The following LRRC75A variants were observed in gnomAD, a reference collection of about 807,000 sequenced individuals.
The protein encoded by LRRC75A is leucine rich repeat containing 75A.
LRRC75A carries 12 observed loss-of-function variants against 26.0 expected under a neutral mutation model. The ratio of observed to expected loss-of-function variants is 0.46; its 90% confidence interval spans 0.30 to 0.75. The LOEUF is 0.75. Among genes scored for constraint, LRRC75A ranks in the 30% least tolerant of loss-of-function variants. The pLI is 0.08. For synonymous variants in LRRC75A, 223 were observed against 219.3 expected (o/e 1.02, Z -0.15); for missense variants, 410 against 486.6 (o/e 0.84, Z 1.48).
intron 3 of LRRC75A, among the ~76,000 whole-genome samples, chr17:16,446,544 G>A (rs535438229): frequency 5.3e-5 from 8 of 152,306 alleles, no homozygotes; most frequent in Non-Finnish European, 1.2e-4. Flanking sequence ...TGGCTGGGGC[G>A]GGAGAGCAGG....
intron 2 of LRRC75A, among the ~76,000 whole-genome samples, chr17:16,458,012 C>A (rs572465926): frequency 5.9e-5 from 9 of 151,746 alleles, no homozygotes; most frequent in Admixed American, 2.6e-4. Context: ...ACAACAACAA[C>A]AAAAAAGCAA....
chr17:16,472,056 G>A (rs971719646), intron 1 of LRRC75A, among the ~76,000 whole-genome samples: 23 of 152,042 alleles, frequency 1.5e-4, no homozygotes, highest in African/African-American at 4.8e-4. Context: ...TGGTTAAAAC[G>A]GTATTTTATA....
At chr17:16,464,567 C>T (rs1296075925) in intron 1 of LRRC75A, among the ~76,000 whole-genome samples, 1 of 152,230 alleles carries the variant, frequency 6.6e-6, no homozygotes, top group Non-Finnish European at 1.5e-5. Flanking sequence ...CTTTCTACTA[C>T]ATTTCTGCCC....
At chr17:16,469,133 T>C (rs1488009287) in intron 1 of LRRC75A, among the ~76,000 whole-genome samples, 1 of 152,254 alleles carries the variant, frequency 6.6e-6, no homozygotes, top group East Asian at 1.9e-4. Flanking sequence ...TTATCTTTTT[T>C]GGTATTCTGT....
chr17:16,456,098 G>GCA (rs1568960237), intron 2 of LRRC75A, among the ~76,000 whole-genome samples: 72 of 146,200 alleles, frequency 4.9e-4, no homozygotes, highest in African/African-American at 1.9e-3. Context: ...GGAGGAGGAA[G>GCA]GGGAGGGGGA....
Position 16,491,821 on chromosome 17 carries a change from A to T in LRRC75A, c.170T>A (p.Met57Lys). ...GMPPYHRRVG[M>K]VQELLRMVRQ... ...CACCATCCGCAGCAGCTCCTGGACC[A>T]TGCCGACTCGCCGGTGGTAGGGGGG... Residue 57 changes from methionine to lysine, a missense_variant, in exon 1 of 4, where the codon ATG becomes AAG. Physicochemically the swap from Met to Lys is moderately conservative, Grantham distance 95 (BLOSUM62 -1). Transcript: ENST00000470794. The surrounding 1 kb of genome is among the most constrained non-coding windows in gnomAD (Gnocchi z 5.9). The T allele has an allele frequency of 7.1e-7, 1 of 1,410,598 alleles. No homozygotes were observed. Among genetic ancestry groups the T allele is most frequent in the Admixed American group, 2.5e-5 (1 of 39,400 alleles). 87.4% of individuals were successfully genotyped at this position (1,410,598 alleles called of 1,614,324 possible). A position where few individuals can be genotyped will look rare whatever the true frequency, so the allele number is the denominator to read the frequency against.
chr17:16,489,218 C>T (rs2093852579), intron 1 of LRRC75A, among the ~76,000 whole-genome samples: 1 of 152,188 alleles, frequency 6.6e-6, no homozygotes, highest in Admixed American at 6.5e-5. Flanking sequence ...ATACACAAAT[C>T]CAGCAGCCAA....
chr17:16,455,166 C>T (rs2093666886), intron 2 of LRRC75A, among the ~76,000 whole-genome samples: 1 of 152,162 alleles, frequency 6.6e-6, no homozygotes, highest in African/African-American at 2.4e-5. Context: ...CTCCTGACCT[C>T]AGACGATCCG....
intron 1 of LRRC75A, among the ~76,000 whole-genome samples, chr17:16,486,932 C>T (rs145229214): frequency 2.6e-5 from 4 of 152,332 alleles, no homozygotes; most frequent in Non-Finnish European, 5.9e-5. Context: ...CACACGCGTA[C>T]GCACATCTTC....
intron 1 of LRRC75A, chr17:16,470,396 G>A (rs761590000): frequency 2.6e-5 from 4 of 152,136 alleles, no homozygotes; most frequent in Admixed American, 1.3e-4. Flanking sequence ...CTTCAATATC[G>A]AAACCACCGG....
intron 1 of LRRC75A, among the ~76,000 whole-genome samples, chr17:16,490,929 C>T (rs147412555): frequency 4.8e-3 from 736 of 152,350 alleles, no homozygotes; most frequent in Non-Finnish European, 6.8e-3. Flanking sequence ...TGCTCCTCTC[C>T]CCACCAAAGA....
chr17:16,462,421 G>C lies in LRRC75A; in HGVS notation c.247-35C>G. 1.9e-6 allele frequency: 3 copies of C among 1,612,152 alleles called. No homozygotes were observed. The highest frequency in any genetic ancestry group is 2.2e-5 in the East Asian group (1 of 44,874). On this transcript the variant is annotated intron_variant, in intron 1 of 3. Transcript: ENST00000470794. This position sits in a 1 kb window ranked among gnomAD's most constrained non-coding sequence, Gnocchi z 4.6. Reference sequence around the variant, plus strand: ...CAAAGGATGCCCAGAGGTCAGGGCTGGCTGCCCACCCAGCTCGCCCACCAT... The same window carrying C: ...CAAAGGATGCCCAGAGGTCAGGGCTCGCTGCCCACCCAGCTCGCCCACCAT...
intron 1 of LRRC75A, among the ~76,000 whole-genome samples, chr17:16,476,458 C>T (rs1339117510): frequency 3.9e-5 from 6 of 152,058 alleles, no homozygotes; most frequent in Non-Finnish European, 5.9e-5. Context: ...GCAATCCTCC[C>T]GCTGTGGCCT....
chr17:16,442,615 G>T lies in LRRC75A; in HGVS notation c.*973C>A, dbSNP rs1314223324. 1 of 152,234 alleles carries T rather than the reference G, an allele frequency of 6.6e-6. No homozygotes were observed. Among genetic ancestry groups the T allele is most frequent in the African/African-American group, 2.4e-5 (1 of 41,434 alleles). 9.4% of individuals were successfully genotyped at this position (152,234 alleles called of 1,614,324 possible). On this transcript the variant is annotated 3_prime_UTR_variant, in exon 4 of 4. Coordinates refer to ENST00000470794, the MANE Select transcript of LRRC75A (RefSeq NM_001113567.3). ...AGCCATCTTGTTGGATCTGCCAAGG[G>T]ATTGGACTCCTTCATTGTCCTAGGT...
At chr17:16,472,666 C>A (rs1040475135) in intron 1 of LRRC75A, among the ~76,000 whole-genome samples, 1 of 152,112 alleles carries the variant, frequency 6.6e-6, no homozygotes, top group African/African-American at 2.4e-5. Context: ...GAGAATTAGG[C>A]GTATCAGAGT....
intron 2 of LRRC75A, chr17:16,448,369 A>C: frequency 4.2e-6 from 1 of 235,794 alleles, no homozygotes; most frequent in South Asian, 4.7e-5. Flanking sequence ...TTGTTCTAGG[A>C]AGCTAGGATA....
At chr17:16,490,818 C>T (rs1470419932) in intron 1 of LRRC75A, among the ~76,000 whole-genome samples, 1 of 152,218 alleles carries the variant, frequency 6.6e-6, no homozygotes, top group African/African-American at 2.4e-5. Flanking sequence ...GGATTGTCTA[C>T]CCACCAAAGC....
chr17:16,453,618 CAT>C (rs1231709556), intron 2 of LRRC75A, among the ~76,000 whole-genome samples: 1 of 152,094 alleles, frequency 6.6e-6, no homozygotes, highest in Non-Finnish European at 1.5e-5. Context: ...CAACAGCTAA[CAT>C]GTATTGAGCA....
chr17:16,462,805 G>GA lies in LRRC75A; in HGVS notation c.247-420dup, dbSNP rs1163387858. On this transcript the variant is annotated intron_variant, in intron 1 of 3. Coordinates refer to ENST00000470794, the MANE Select transcript of LRRC75A (RefSeq NM_001113567.3). This position sits in a 1 kb window ranked among gnomAD's most constrained non-coding sequence, Gnocchi z 4.6. ...TTATTTGTGTTTTCTTCCTGCTTCT[G>GA]ACGTTGTTTTTACTGCTCCTTCTGT... is the stretch of plus-strand genomic sequence containing the variant. 2.7e-5 allele frequency: 5 copies of GA among 184,060 alleles called. No individual in the cohort carries two copies. 11.4% of individuals were successfully genotyped at this position (184,060 alleles called of 1,614,324 possible).
Sources: allele counts gnomAD v4.1 joint callset (sites outside exome capture counted in the v4.1 genomes callset), GRCh38; gene constraint gnomAD v4.1.1; non-coding constraint Gnocchi (gnomAD v3.1); transcripts MANE v1.5; gene names NCBI Gene and HGNC (gene_info 2026-07-23, HGNC 2026-07-21).